ZNF609: variants seen among roughly 807,000 people sequenced by gnomAD.
ZNF609 encodes the protein zinc finger protein 609.
In ZNF609, 11 loss-of-function variants were observed where a neutral mutation model predicts 109.5. The observed-to-expected ratio is 0.10, with a 90% CI of 0.06 to 0.17. The LOEUF (loss-of-function observed/expected upper bound fraction) is 0.17, where lower values mean the gene tolerates loss of function less well. ZNF609 is among the 10% of genes least tolerant of loss of function. The pLI is 1.00. For missense variants in ZNF609, 1,559 were observed against 1,772.4 expected, an observed-to-expected ratio of 0.88 and a Z score of 2.16; for synonymous variants, 646 against 662.0, an observed-to-expected ratio of 0.98 and a Z score of 0.37.
intron 1 of ZNF609, among the ~76,000 whole-genome samples, chr15:64,493,193 G>T (rs993711781): frequency 6.6e-6 from 1 of 152,162 alleles, no homozygotes; most frequent in African/African-American, 2.4e-5. Flanking sequence ...TCTCGGGGGT[G>T]AAAGAGAAAT....
At chr15:64,610,552 G>A (rs1895700051) in intron 2 of ZNF609, among the ~76,000 whole-genome samples, 1 of 152,158 alleles carries the variant, frequency 6.6e-6, no homozygotes, top group Non-Finnish European at 1.5e-5. Flanking sequence ...AGGAGACTGA[G>A]GCCGGAGGAT....
At chr15:64,658,489 G>A (rs771913055) in intron 3 of ZNF609, among the ~76,000 whole-genome samples, 9 of 151,978 alleles carry the variant, frequency 5.9e-5, no homozygotes, top group Non-Finnish European at 1.3e-4. Context: ...GAGCCACCGC[G>A]TCCAGCCTAA....
chr15:64,507,873 C>G (rs530504909), intron 2 of ZNF609, among the ~76,000 whole-genome samples: 11 of 152,128 alleles, frequency 7.2e-5, no homozygotes, highest in South Asian at 4.2e-4. Flanking sequence ...AGGTGCCAGA[C>G]CATATTAATA....
At chr15:64,560,032 C>A (rs1595718420) in intron 2 of ZNF609, among the ~76,000 whole-genome samples, 1 of 152,194 alleles carries the variant, frequency 6.6e-6, no homozygotes, top group African/African-American at 2.4e-5. Context: ...TACATACTTA[C>A]CACCCTTCCT....
intron 3 of ZNF609, among the ~76,000 whole-genome samples, chr15:64,646,710 G>A (rs1392582200): frequency 9.3e-5 from 14 of 150,280 alleles, no homozygotes; most frequent in Admixed American, 4.0e-4. Flanking sequence ...AGGCCAAGAC[G>A]GGCGGATCAC....
chr15:64,563,154 A>G (rs963935436), intron 2 of ZNF609, among the ~76,000 whole-genome samples: 2 of 151,538 alleles, frequency 1.3e-5, no homozygotes, highest in Non-Finnish European at 2.9e-5. Flanking sequence ...AAAAATAAAA[A>G]CTAAAAAATT....
At chr15:64,623,524 T>C (rs935088124) in intron 3 of ZNF609, among the ~76,000 whole-genome samples, 1 of 152,216 alleles carries the variant, frequency 6.6e-6, no homozygotes, top group African/African-American at 2.4e-5. Flanking sequence ...AGTTCACTCT[T>C]CCCACTGATT....
Position 64,499,916 on chromosome 15 carries a change from A to T in ZNF609, c.497A>T (p.Lys166Met), listed in dbSNP as rs1323700371. 6.2e-7 allele frequency: 1 copy of T among 1,614,010 alleles called. No individual in the cohort carries two copies. The highest frequency in any genetic ancestry group is 8.5e-7 in the Non-Finnish European group (1 of 1,180,036). ...SKKEKENSSS[K>M]SKKERSEGVG... ...AAGGAGAAGGAGAACAGCTCATCTA[A>T]GAGCAAGAAGGAGAGAAGCGAAGGA... The change falls in exon 2 of 10, where the codon AAG (lysine) becomes ATG (methionine). Residue 166 changes from lysine to methionine, a missense_variant. Physicochemically the swap from Lys to Met is moderately conservative, Grantham distance 95. This residue lies in a region of ZNF609 where 291 missense variants were observed against 317.8 expected (regional missense o/e 0.92). Coordinates refer to ENST00000326648, the MANE Select transcript of ZNF609 (RefSeq NM_015042.2).
At chr15:64,570,765 C>T (rs960852659) in intron 2 of ZNF609, among the ~76,000 whole-genome samples, 12 of 152,112 alleles carry the variant, frequency 7.9e-5, no homozygotes, top group African/African-American at 2.7e-4. Context: ...GTGGCTCACA[C>T]CTGTTATCCC....
chr15:64,471,101 C>A (rs571059599), intron 1 of ZNF609, among the ~76,000 whole-genome samples: 1 of 152,080 alleles, frequency 6.6e-6, no homozygotes, highest in African/African-American at 2.4e-5. Context: ...GTGGCTCACA[C>A]CTGTAATTCC....
intron 2 of ZNF609, among the ~76,000 whole-genome samples, chr15:64,596,475 G>C (rs1439985698): frequency 6.6e-6 from 1 of 152,070 alleles, no homozygotes; most frequent in Non-Finnish European, 1.5e-5. Context: ...CTTGCCTTAG[G>C]AGTTTGCATA....
At chr15:64,614,419 A>G (rs1216232347) in intron 2 of ZNF609, among the ~76,000 whole-genome samples, 5 of 151,358 alleles carry the variant, frequency 3.3e-5, no homozygotes, top group African/African-American at 1.2e-4. Context: ...TATTTTTAGT[A>G]GAGATGGGGT....
chr15:64,531,411 T>C (rs537322267), intron 2 of ZNF609, among the ~76,000 whole-genome samples: 1 of 152,248 alleles, frequency 6.6e-6, no homozygotes, highest in Non-Finnish European at 1.5e-5. Context: ...ATTATTATTA[T>C]TATTTGGGAC....
chr15:64,577,715 C>T (rs899357884), intron 2 of ZNF609, among the ~76,000 whole-genome samples: 3 of 147,424 alleles, frequency 2.0e-5, no homozygotes, highest in Non-Finnish European at 3.0e-5. Context: ...AAAACAAGGT[C>T]GGGTATGGGG....
chr15:64,659,249 T>A lies in ZNF609; in HGVS notation c.974-11097T>A, dbSNP rs145137848. Reference sequence around the variant, plus strand: ...TTTATTGGACATTTACCACACACACTCACACACTGCATTCAAAACTCGCTG... The same window carrying A: ...TTTATTGGACATTTACCACACACACACACACACTGCATTCAAAACTCGCTG... On this transcript the variant is annotated intron_variant, in intron 3 of 9. Transcript: ENST00000326648. Among the ~76,000 whole-genome samples, 4 of 152,284 alleles carry A rather than the reference T, an allele frequency of 2.6e-5. No homozygotes were observed. In the East Asian group the frequency reaches 7.7e-4, roughly 29 times the overall value.
intron 1 of ZNF609, among the ~76,000 whole-genome samples, chr15:64,496,969 C>T (rs1209192277): frequency 6.6e-6 from 1 of 152,204 alleles, no homozygotes; most frequent in Non-Finnish European, 1.5e-5. Context: ...GCATTACCAT[C>T]ATACCCGGCT....
intron 2 of ZNF609, among the ~76,000 whole-genome samples, chr15:64,536,723 A>AC (rs34575004): frequency 0.059 from 7,356 of 125,258 alleles, 192 homozygotes; most frequent in South Asian, 0.1. Context: ...CTAAAATTCC[A>AC]CCCCCCCCCC....
At chr15:64,602,716 C>CTTTTTTTTTTTTTTTTTTT (rs10600561) in intron 2 of ZNF609, among the ~76,000 whole-genome samples, 1 of 55,570 alleles carries the variant, frequency 1.8e-5, no homozygotes. Context: ...TTTTTTCTTT[C>CTTTTTTTTTTTTTTTTTTT]TTTTTTTTTT....
intron 2 of ZNF609, among the ~76,000 whole-genome samples, chr15:64,518,653 G>A (rs1893848268): frequency 6.6e-6 from 1 of 152,192 alleles, no homozygotes; most frequent in Non-Finnish European, 1.5e-5. Flanking sequence ...AGCATAGTTA[G>A]CAAGACAGCT....
Sources: allele counts gnomAD v4.1 joint callset (sites outside exome capture counted in the v4.1 genomes callset), GRCh38; gene constraint gnomAD v4.1.1; regional missense constraint gnomAD v4.1.1; transcripts MANE v1.5; gene names NCBI Gene and HGNC (gene_info 2026-07-23, HGNC 2026-07-21).